The following LMBR1 variants were observed in gnomAD, a reference collection of about 807,000 sequenced individuals.
The protein encoded by LMBR1 is limb development membrane protein 1.
A neutral mutation model predicts 73.9 loss-of-function variants in LMBR1; 52 were observed. The ratio of observed to expected loss-of-function variants is 0.70; its 90% CI spans 0.56 to 0.89. The LOEUF (loss-of-function observed/expected upper bound fraction) is 0.89, where lower values mean the gene tolerates loss of function less well. Among genes scored for constraint, LMBR1 ranks in the 40% least tolerant of loss-of-function variants. The pLI is 0.00. For synonymous variants in LMBR1, 215 were observed against 209.4 expected (o/e 1.03, Z -0.23); for missense variants, 539 against 579.8 (o/e 0.93, Z 0.72).
intron 7 of LMBR1, among the ~76,000 whole-genome samples, chr7:156,762,777 T>C (rs1174425346): frequency 2.0e-5 from 3 of 151,972 alleles, no homozygotes; most frequent in Non-Finnish European, 4.4e-5. Context: ...TGTATGAGTG[T>C]GCACATGGTT....
chr7:156,776,806 G>T (rs948962093), intron 5 of LMBR1, among the ~76,000 whole-genome samples: 2 of 151,778 alleles, frequency 1.3e-5, no homozygotes, highest in South Asian at 2.1e-4. Context: ...TCCCAGCCCT[G>T]TCAAAAAAAC....
chr7:156,700,351 A>G (rs1410650132), intron 15 of LMBR1, among the ~76,000 whole-genome samples: 4 of 151,668 alleles, frequency 2.6e-5, no homozygotes, highest in Non-Finnish European at 5.9e-5. Context: ...ATGAGAACAC[A>G]TGGACACAGG....
At chr7:156,728,423 T>C (rs978422625) in intron 11 of LMBR1, among the ~76,000 whole-genome samples, 1 of 152,252 alleles carries the variant, frequency 6.6e-6, no homozygotes, top group Non-Finnish European at 1.5e-5. Flanking sequence ...TTTCCTGCTT[T>C]CATGAAGAAA....
intron 1 of LMBR1, among the ~76,000 whole-genome samples, chr7:156,854,711 G>A (rs1315607718): frequency 2.0e-5 from 3 of 152,150 alleles, no homozygotes; most frequent in Admixed American, 1.3e-4. Context: ...TCACAGACCG[G>A]GGCATAGGCT....
At chr7:156,721,775 A>G (rs1814634944) in intron 15 of LMBR1, among the ~76,000 whole-genome samples, 1 of 152,218 alleles carries the variant, frequency 6.6e-6, no homozygotes, top group East Asian at 1.9e-4. Flanking sequence ...TTTTCTCACA[A>G]CTTAATTCTT....
At position 156,747,694 on chromosome 7, in the gene LMBR1, C is replaced by CA. The variant is rs58320295; in HGVS notation, c.757+8698dup. ...TTTAACTTTTAATTTACCATATAAC[C>CA]AAAAAAAAGTTTGATTAGAAAATAT... On this transcript the variant is annotated intron_variant, in intron 9 of 16. Coordinates refer to ENST00000353442, the MANE Select transcript of LMBR1 (RefSeq NM_022458.4). Among the ~76,000 whole-genome samples the CA allele has an allele frequency of 1.9e-3, 292 of 151,496 alleles. 1 individual carries two copies. The highest frequency in any genetic ancestry group is 0.014 in the Middle Eastern group (4 of 292).
chr7:156,702,482 T>C (rs1357901029), intron 15 of LMBR1, among the ~76,000 whole-genome samples: 1 of 152,218 alleles, frequency 6.6e-6, no homozygotes, highest in Non-Finnish European at 1.5e-5. Flanking sequence ...TGTTTTTTTC[T>C]TGTAAATTTA....
Position 156,685,978 on chromosome 7 carries a change from G to C in LMBR1, c.1388-1815C>G, listed in dbSNP as rs541737013. Among the ~76,000 whole-genome samples, 50 of 152,244 alleles carry C rather than the reference G, an allele frequency of 3.3e-4. No homozygotes were observed. The highest frequency in any genetic ancestry group is 1.2e-3 in the African/African-American group (48 of 41,540). ...GTAAAACTGAGCCTATGTTTGAATGGGAAGGGAAAAAAGAAATCAATCCAA... is the reference window on the plus strand; with the variant it reads ...GTAAAACTGAGCCTATGTTTGAATGCGAAGGGAAAAAAGAAATCAATCCAA... On this transcript the variant is annotated intron_variant, in intron 16 of 16. Coordinates refer to ENST00000353442, the MANE Select transcript of LMBR1 (RefSeq NM_022458.4). This position sits in a 1 kb window ranked among gnomAD's most constrained non-coding sequence, Gnocchi z 4.1.
chr7:156,792,887 T>C (rs1484918666), intron 5 of LMBR1, among the ~76,000 whole-genome samples: 1 of 138,478 alleles, frequency 7.2e-6, no homozygotes. Context: ...TTAGACACAG[T>C]AAAACAGCAC....
chr7:156,873,091 C>T (rs1244298876), intron 1 of LMBR1, among the ~76,000 whole-genome samples: 1 of 152,178 alleles, frequency 6.6e-6, no homozygotes, highest in Non-Finnish European at 1.5e-5. Context: ...TTCTTGGTCT[C>T]ACTGACTTCA....
intron 1 of LMBR1, among the ~76,000 whole-genome samples, chr7:156,875,814 G>T (rs1586401529): frequency 6.6e-6 from 1 of 151,920 alleles, no homozygotes; most frequent in Non-Finnish European, 1.5e-5. Flanking sequence ...TGCTAAAGTA[G>T]CTGTAAATCT....
intron 9 of LMBR1, among the ~76,000 whole-genome samples, chr7:156,740,218 G>C (rs1433229845): frequency 6.6e-6 from 1 of 151,886 alleles, no homozygotes; most frequent in African/African-American, 2.4e-5. Flanking sequence ...AAAGAAAAAA[G>C]AATCAAAAAG....
In LMBR1 at chr7:156,725,449, T is replaced by C; in HGVS notation, c.1144A>G (p.Thr382Ala). The change falls in exon 14 of 17, where the codon ACA becomes GCA. Residue 382 changes from threonine to alanine, a missense_variant. Transcript: ENST00000353442. ...FGNFTPKKDDTTMTKIIGNCV... is the reference protein window; with the variant it reads ...FGNFTPKKDDATMTKIIGNCV... ...TTCTACCTTACCTTTGTCATAGTTG[T>C]GTCATCTTTCTTGGGAGTAAAGTTT... 2 of 1,606,472 alleles carry C rather than the reference T, an allele frequency of 1.2e-6. No homozygotes were observed. Among genetic ancestry groups the C allele is most frequent in the Non-Finnish European group, 1.7e-6 (2 of 1,174,500 alleles).
intron 14 of LMBR1, 95 bp downstream of exon 14, chr7:156,725,340 T>C (rs1413813224): frequency 1.4e-6 from 1 of 702,780 alleles, no homozygotes; most frequent in African/African-American, 1.8e-5. Context: ...CAAATACCTA[T>C]CACTGCAAAT....
chr7:156,887,252 C>G (rs1450164211), intron 1 of LMBR1, among the ~76,000 whole-genome samples: 3 of 152,064 alleles, frequency 2.0e-5, no homozygotes, highest in African/African-American at 7.2e-5. Flanking sequence ...ATCACGAGGT[C>G]AAGAGATTGA....
intron 7 of LMBR1, among the ~76,000 whole-genome samples, 199 bp from the exon 8 acceptor site, chr7:156,762,397 C>T (rs1044865198): frequency 6.6e-6 from 1 of 152,020 alleles, no homozygotes; most frequent in African/African-American, 2.4e-5. Flanking sequence ...GCCATGTGAG[C>T]AGGATAGGTG....
intron 5 of LMBR1, among the ~76,000 whole-genome samples, chr7:156,768,304 G>A (rs1824514471): frequency 6.6e-6 from 1 of 151,936 alleles, no homozygotes; most frequent in African/African-American, 2.4e-5. Flanking sequence ...TTGCGTTGCA[G>A]TGAGCCAAGA....
chr7:156,871,275 A>AC (rs1228416122), intron 1 of LMBR1, among the ~76,000 whole-genome samples: 2 of 152,210 alleles, frequency 1.3e-5, no homozygotes, highest in African/African-American at 4.8e-5. Context: ...AACCTATAAG[A>AC]AGTATGCAGA....
chr7:156,845,317 AGAT>A (rs1839413928), intron 1 of LMBR1, among the ~76,000 whole-genome samples: 1 of 152,172 alleles, frequency 6.6e-6, no homozygotes, highest in South Asian at 2.1e-4. Flanking sequence ...CAATGGAGCA[AGAT>A]TCCGTCTCCA....
Sources: gnomAD v4.1 joint callset for allele counts (sites outside exome capture counted in the v4.1 genomes callset) on GRCh38, gnomAD v4.1.1 for gene constraint, Gnocchi (gnomAD v3.1) non-coding constraint, MANE v1.5 for transcripts, NCBI Gene and HGNC (gene_info 2026-07-23, HGNC 2026-07-21) for gene names.